ZNF69: variants seen among roughly 807,000 people sequenced by gnomAD.
The protein encoded by ZNF69 is zinc finger protein 69.
In ZNF69, 47 loss-of-function variants were observed where a neutral mutation model predicts 50.9. That is an observed-to-expected ratio of 0.92 (90% CI 0.73 to 1.18). ZNF69 has a LOEUF of 1.18. Ranked by LOEUF, ZNF69 falls within the 50% of genes most tolerant of loss-of-function variation. The pLI, the probability that ZNF69 is intolerant of heterozygous loss-of-function variation, is 0.00. For synonymous variants in ZNF69, 216 were observed against 223.1 expected, an observed-to-expected ratio of 0.97 and a Z score of 0.29; for missense variants, 717 against 675.1, an observed-to-expected ratio of 1.06 and a Z score of -0.69.
chr19:11,934,755 GA>G, the ZNF69 span, among the ~76,000 whole-genome samples: 3 of 147,850 alleles, frequency 2.0e-5, no homozygotes, highest in African/African-American at 8.0e-5. Flanking sequence ...TCAAACTCCT[GA>G]CCTCAGGTCA....
the ZNF69 span, among the ~76,000 whole-genome samples, chr19:11,925,871 C>T: frequency 1.3e-5 from 2 of 152,098 alleles, no homozygotes; most frequent in Admixed American, 6.6e-5. Context: ...TAAGTGGTCC[C>T]GAGGCGGCTC....
the ZNF69 span, among the ~76,000 whole-genome samples, chr19:11,934,158 A>G: frequency 6.8e-6 from 1 of 147,824 alleles, no homozygotes; most frequent in Admixed American, 6.6e-5. Context: ...AGCCTGGTAG[A>G]TACAGTGTGA....
intron 1 of ZNF69, among the ~76,000 whole-genome samples, chr19:11,899,076 CCCCTGT>C (rs1972188475): frequency 6.6e-6 from 1 of 152,158 alleles, no homozygotes; most frequent in African/African-American, 2.4e-5. Context: ...CCCTCAAAAT[CCCCTGT>C]GCTCCTCCTA....
Position 11,905,082 on chromosome 19 carries a change from T to G in ZNF69, c.685T>G (p.Phe229Val), listed in dbSNP as rs1972335932. 2 of 1,614,210 alleles carry G rather than the reference T, an allele frequency of 1.2e-6. No homozygotes were observed. The highest frequency in any genetic ancestry group is 1.3e-5 in the African/African-American group (1 of 75,062). ...PYKCKFCGKA[F>V]HCLSLYLIHE... ...TAAATGTAAATTTTGTGGGAAAGCC[T>G]TCCATTGTCTCAGTTTATATCTTAT... The change falls in exon 4 of 4, where the codon TTC becomes GTC. Residue 229 changes from phenylalanine to valine, a missense_variant. By Grantham distance (50) the Phe-to-Val change is conservative (BLOSUM62 -1). Coordinates refer to ENST00000429654, the MANE Select transcript of ZNF69 (RefSeq NM_001364730.1).
chr19:11,932,645 T>TTC, the ZNF69 span, among the ~76,000 whole-genome samples: 1 of 144,068 alleles, frequency 6.9e-6, no homozygotes, highest in African/African-American at 2.8e-5. Context: ...ATTTTTTTTT[T>TTC]TTTTTTTTTT....
the ZNF69 span, among the ~76,000 whole-genome samples, chr19:11,920,749 C>T: frequency 6.6e-6 from 1 of 152,158 alleles, no homozygotes; most frequent in Non-Finnish European, 1.5e-5. Context: ...ATTAGCCGGG[C>T]ATGGTAGTCC....
chr19:11,896,422 A>C (rs1173807321), intron 1 of ZNF69, among the ~76,000 whole-genome samples: 2 of 151,976 alleles, frequency 1.3e-5, no homozygotes, highest in Non-Finnish European at 2.9e-5. Flanking sequence ...GGGTGACTTA[A>C]GGGATAAACA....
chr19:11,947,592 G>A, the ZNF69 span: 1 of 1,610,228 alleles, frequency 6.2e-7, no homozygotes, highest in Admixed American at 1.7e-5. Flanking sequence ...GCATTTCCAA[G>A]AGAAAGCAGT....
At position 11,906,248 on chromosome 19, in the gene ZNF69, A is replaced by C; in HGVS notation, c.*150A>C. 1.3e-6 allele frequency: 2 copies of C among 1,495,116 alleles called. No individual in the cohort carries two copies. The highest frequency in any genetic ancestry group is 1.8e-6 in the Non-Finnish European group (2 of 1,130,102). The allele number at this position is 1,495,116 out of a possible 1,614,324, so 92.6% of individuals were successfully genotyped here. ...AGGACACAAGCACACATAAGAATGCATTCTGGATAGCTGAACAAAAGGCAG... is the reference window on the plus strand; with the variant it reads ...AGGACACAAGCACACATAAGAATGCCTTCTGGATAGCTGAACAAAAGGCAG... On this transcript the variant is annotated 3_prime_UTR_variant, in exon 4 of 4. Coordinates refer to ENST00000429654, the MANE Select transcript of ZNF69 (RefSeq NM_001364730.1).
the ZNF69 span, among the ~76,000 whole-genome samples, chr19:11,956,891 T>G: frequency 2.0e-5 from 3 of 152,094 alleles, no homozygotes; most frequent in Admixed American, 2.0e-4. Flanking sequence ...CCCATGGTGC[T>G]CCCACTGCAG....
chr19:11,975,553 G>A, the ZNF69 span, among the ~76,000 whole-genome samples: 44 of 151,802 alleles, frequency 2.9e-4, no homozygotes, highest in African/African-American at 9.7e-4. Context: ...GCCCGCCACC[G>A]CGTCCAGCCA....
the ZNF69 span, among the ~76,000 whole-genome samples, chr19:11,946,091 G>T: frequency 1.4e-4 from 22 of 152,270 alleles, no homozygotes; most frequent in South Asian, 6.2e-4. Flanking sequence ...CCTGAGCCTG[G>T]TCCCCCTTAG....
At chr19:11,911,667 TG>T (rs1568283119), downstream of ZNF69, among the ~76,000 whole-genome samples, 3 of 152,072 alleles carry the variant, frequency 2.0e-5, no homozygotes, top group Non-Finnish European at 2.9e-5. Flanking sequence ...CACCAGGGCC[TG>T]TCATGGGGTA....
In ZNF69 at chr19:11,913,425, G is replaced by C. The variant is rs533941193; in HGVS notation, c.*15G>C. On this transcript the variant is annotated 3_prime_UTR_variant, in exon 5 of 5. Transcript: ENST00000340180. ...TTTTTCCAGAAAAAAATCTCACTCT[G>C]TCACCCAGGCTGGAGTGCAGTGGCA... is the stretch of plus-strand genomic sequence containing the variant. 11 of 545,658 alleles carry C rather than the reference G, an allele frequency of 2.0e-5. No homozygotes were observed. In the South Asian group the frequency reaches 2.4e-4, roughly 12 times the overall value. 33.8% of individuals were successfully genotyped at this position (545,658 alleles called of 1,614,324 possible).
At chr19:11,958,682 C>G in the ZNF69 span, among the ~76,000 whole-genome samples, 1 of 152,282 alleles carries the variant, frequency 6.6e-6, no homozygotes, top group East Asian at 1.9e-4. Flanking sequence ...AGTGGGCCAG[C>G]CTGGCCTGTG....
chr19:11,925,155 G>T, the ZNF69 span: 12 of 1,601,944 alleles, frequency 7.5e-6, no homozygotes, highest in South Asian at 1.1e-5. Flanking sequence ...GGTCAGACCA[G>T]CCCGAGAGGG....
chr19:11,951,448 C>T, the ZNF69 span, among the ~76,000 whole-genome samples: 1 of 151,878 alleles, frequency 6.6e-6, no homozygotes, highest in African/African-American at 2.4e-5. Flanking sequence ...CCAGACTGGT[C>T]TCAAACTCCG....
At chr19:11,922,570 C>T in the ZNF69 span, among the ~76,000 whole-genome samples, 1 of 152,128 alleles carries the variant, frequency 6.6e-6, no homozygotes, top group African/African-American at 2.4e-5. Context: ...GGTTCTGCAG[C>T]TTGGTTTAAG....
intron 1 of ZNF69, among the ~76,000 whole-genome samples, chr19:11,888,866 G>A (rs1438732506): frequency 1.3e-5 from 2 of 152,108 alleles, no homozygotes; most frequent in Non-Finnish European, 2.9e-5. Context: ...CCAGCTACTC[G>A]GGAGGCTGAG....
Sources: gnomAD v4.1 joint callset for allele counts (sites outside exome capture counted in the v4.1 genomes callset) on GRCh38, gnomAD v4.1.1 for gene constraint, MANE v1.5 for transcripts, NCBI Gene and HGNC (gene_info 2026-07-23, HGNC 2026-07-21) for gene names.